Variants in ITCH observed in about 807,000 individuals in gnomAD.
ITCH encodes E3 ubiquitin-protein ligase Itchy homolog.
ITCH carries 28 observed loss-of-function variants against 126.8 expected under a neutral mutation model. The observed-to-expected ratio is 0.22, with a 90% CI of 0.16 to 0.30. ITCH has a LOEUF of 0.30. ITCH is among the 10% of genes least tolerant of loss of function. The pLI, the probability that ITCH is intolerant of heterozygous loss-of-function variation, is 1.00. For missense variants in ITCH, 631 were observed against 1,032.4 expected (o/e 0.61, Z 5.33); for synonymous variants, 342 against 340.0 (o/e 1.01, Z -0.06).
At chr20:34,402,160 A>G (rs2038909341) in intron 3 of ITCH, 11 of 1,199,818 alleles carry the variant, frequency 9.2e-6, no homozygotes, top group Middle Eastern at 2.7e-4. Context: ...AGCAGCACAC[A>G]TATGCAGCTC....
At chr20:34,503,884 GGTT>G (rs1990442538) in intron 23 of ITCH, among the ~76,000 whole-genome samples, 2 of 96,802 alleles carry the variant, frequency 2.1e-5, no homozygotes, top group Admixed American at 1.2e-4. Context: ...TTTTTTTTTT[GGTT>G]TTTTTTTTTT....
At chr20:34,396,561 T>C (rs1044732119) in intron 3 of ITCH, among the ~76,000 whole-genome samples, 3 of 151,412 alleles carry the variant, frequency 2.0e-5, no homozygotes, top group Non-Finnish European at 4.4e-5. Flanking sequence ...CAGGCTGGAG[T>C]GTAGTGGTGC....
intron 23 of ITCH, among the ~76,000 whole-genome samples, chr20:34,495,316 T>TATATATACAC (rs796826383): frequency 9.1e-5 from 12 of 132,234 alleles, no homozygotes; most frequent in South Asian, 2.5e-4. Context: ...TATATATATA[T>TATATATACAC]ACACACGCAC....
chr20:34,445,556 T>A, intron 11 of ITCH, 95 bp downstream of exon 11: 1 of 1,211,924 alleles, frequency 8.3e-7, no homozygotes, highest in Non-Finnish European at 1.2e-6. Context: ...AAGGTGCAAG[T>A]AGCATGGCAA....
intron 16 of ITCH, among the ~76,000 whole-genome samples, chr20:34,475,359 G>C (rs917877059): frequency 6.6e-6 from 1 of 152,174 alleles, no homozygotes; most frequent in African/African-American, 2.4e-5. Context: ...CTCCAGCCTG[G>C]GCACCATTGA....
At chr20:34,429,644 A>G (rs1192033210) in intron 7 of ITCH, among the ~76,000 whole-genome samples, 1 of 152,196 alleles carries the variant, frequency 6.6e-6, no homozygotes, top group Non-Finnish European at 1.5e-5. Context: ...ATTTTTCATT[A>G]TATAAGAAGT....
chr20:34,496,113 A>G (rs1339727676), intron 23 of ITCH, among the ~76,000 whole-genome samples: 1 of 151,926 alleles, frequency 6.6e-6, no homozygotes, highest in Non-Finnish European at 1.5e-5. Flanking sequence ...TGCCAACAGT[A>G]TATAAGAGTT....
At chr20:34,402,156 A>T in intron 3 of ITCH, 2 of 1,172,924 alleles carry the variant, frequency 1.7e-6, no homozygotes, top group Non-Finnish European at 2.5e-6. Context: ...TCCTAGCAGC[A>T]CACATATGCA....
Position 34,507,996 on chromosome 20 carries a change from A to T in ITCH, c.*202A>T. 1 of 542,188 alleles carries T rather than the reference A, an allele frequency of 1.8e-6. No homozygotes were observed. Among genetic ancestry groups the T allele is most frequent in the East Asian group, 3.3e-5 (1 of 30,740 alleles). 33.6% of individuals were successfully genotyped at this position (542,188 alleles called of 1,614,324 possible). On this transcript the variant is annotated 3_prime_UTR_variant, in exon 25 of 25. Transcript: ENST00000374864. Reference sequence around the variant, plus strand: ...AAATCAGGTCTGCAAATGACTAGTCAGAACCTTGCTTAACATGAGATTTTA... The same window carrying T: ...AAATCAGGTCTGCAAATGACTAGTCTGAACCTTGCTTAACATGAGATTTTA...
chr20:34,412,731 C>T lies in ITCH; in HGVS notation c.337+92C>T, dbSNP rs931808698. ...AAACATGCATAATGACTCATGTTCT[C>T]TCATACTTTTAAGTTTTACTTGGTT... is the stretch of plus-strand genomic sequence containing the variant. On this transcript the variant is annotated intron_variant, in intron 5 of 24. Transcript: ENST00000374864. 18 of 1,089,586 alleles carry T rather than the reference C, an allele frequency of 1.7e-5. No individual in the cohort carries two copies. In the African/African-American group the frequency reaches 1.7e-4, roughly 10 times the overall value. 67.5% of individuals were successfully genotyped at this position (1,089,586 alleles called of 1,614,324 possible).
chr20:34,401,268 A>G (rs1258979838), intron 3 of ITCH, among the ~76,000 whole-genome samples: 1 of 151,864 alleles, frequency 6.6e-6, no homozygotes, highest in Non-Finnish European at 1.5e-5. Flanking sequence ...TACTGAACTC[A>G]TCTGTGTCTT....
At chr20:34,421,778 C>T (rs573476000) in intron 6 of ITCH, among the ~76,000 whole-genome samples, 5 of 152,154 alleles carry the variant, frequency 3.3e-5, no homozygotes, top group South Asian at 4.2e-4. Flanking sequence ...GAAGCCAAGG[C>T]GGGAGGATCA....
chr20:34,416,526 A>G (rs1979881780), intron 6 of ITCH, among the ~76,000 whole-genome samples: 1 of 152,238 alleles, frequency 6.6e-6, no homozygotes, highest in African/African-American at 2.4e-5. Flanking sequence ...TTTGGGGGGA[A>G]AAATACCTTA....
At chr20:34,497,815 T>C (rs1245807939) in intron 23 of ITCH, among the ~76,000 whole-genome samples, 1 of 152,242 alleles carries the variant, frequency 6.6e-6, no homozygotes, top group African/African-American at 2.4e-5. Context: ...TGAACTCCGG[T>C]GATCCGCCCA....
intron 4 of ITCH, 32 bp from the exon 5 acceptor site, chr20:34,412,483 A>C (rs1262330400): frequency 6.7e-7 from 1 of 1,500,766 alleles, no homozygotes; most frequent in Non-Finnish European, 9.3e-7. Context: ...TTCAATAAAA[A>C]TAATATTTTT....
intron 6 of ITCH, chr20:34,417,243 T>C (rs1462673853): frequency 9.9e-6 from 6 of 607,982 alleles, no homozygotes; most frequent in Non-Finnish European, 1.8e-5. Flanking sequence ...TTTACAGGTA[T>C]GCACCACCAC....
In ITCH at chr20:34,410,534, TTA is replaced by T. The variant is rs564819896; in HGVS notation, c.212+1743_212+1744del. On this transcript the variant is annotated intron_variant, in intron 4 of 24. Transcript: ENST00000374864. ...GATTGAGTCAAAATGAAACAATGTATTAAAAAAATTTCAAGAAAACACATGAG... is the reference window on the plus strand; with the variant it reads ...GATTGAGTCAAAATGAAACAATGTATAAAAAATTTCAAGAAAACACATGAG... Among the ~76,000 whole-genome samples the T allele has an allele frequency of 2.8e-3, 432 of 152,218 alleles. 3 individuals carry two copies. The highest frequency in any genetic ancestry group is 0.01 in the African/African-American group (418 of 41,528).
chr20:34,472,922 C>T (rs926473498), intron 16 of ITCH, among the ~76,000 whole-genome samples: 6 of 152,112 alleles, frequency 3.9e-5, no homozygotes, highest in East Asian at 1.9e-4. Context: ...CTCTGTTGGA[C>T]GAGTTTCTTG....
chr20:34,377,588 G>T (rs952064141), intron 2 of ITCH, among the ~76,000 whole-genome samples: 5 of 152,006 alleles, frequency 3.3e-5, no homozygotes, highest in East Asian at 3.9e-4. Flanking sequence ...ATATGGCTGG[G>T]CGCGGTGGCT....
Sources: gnomAD v4.1 joint callset for allele counts (sites outside exome capture counted in the v4.1 genomes callset) on GRCh38, gnomAD v4.1.1 for gene constraint, MANE v1.5 for transcripts, NCBI Gene and HGNC (gene_info 2026-07-23, HGNC 2026-07-21) for gene names.